Variants in POLD3 observed in about 807,000 individuals in gnomAD.
POLD3 encodes the protein DNA polymerase delta 3, accessory subunit.
In POLD3, 19 loss-of-function variants were observed where a neutral mutation model predicts 58.2. The ratio of observed to expected loss-of-function variants is 0.33; its 90% CI spans 0.23 to 0.48. The LOEUF (loss-of-function observed/expected upper bound fraction) is 0.48, where lower values mean the gene tolerates loss of function less well. Ranked by LOEUF, POLD3 falls within the 20% of genes least tolerant of loss-of-function variation. POLD3 has a pLI of 0.99. For synonymous variants in POLD3, 172 were observed against 193.5 expected (o/e 0.89, Z 0.92); for missense variants, 504 against 545.5 (o/e 0.92, Z 0.76).
chr11:74,593,773 GT>G (rs1179310637), intron 1 of POLD3, among the ~76,000 whole-genome samples: 1 of 152,194 alleles, frequency 6.6e-6, no homozygotes, highest in Non-Finnish European at 1.5e-5. Flanking sequence ...AAGGGCCTGA[GT>G]AAAACAAGGA....
chr11:74,593,161 G>A (rs2031097734), intron 1 of POLD3: 1 of 481,888 alleles, frequency 2.1e-6, no homozygotes, highest in African/African-American at 2.1e-5. Context: ...ATTGATAGAG[G>A]TTTGATCCGC....
rs1233107416 is a variant in POLD3, at chr11:74,620,027, C to T, written c.671C>T (p.Ala224Val). 6.2e-7 allele frequency: 1 copy of T among 1,613,456 alleles called. No individual in the cohort carries two copies. Among genetic ancestry groups the T allele is most frequent in the South Asian group, 1.1e-5 (1 of 91,072 alleles). Reference protein sequence around the residue: ...EAKEVTNASAAGNKAPGKGNM... With the variant: ...EAKEVTNASAVGNKAPGKGNM... Reference sequence around the variant, plus strand: ...TTTCTGTGCTTGTAGGCATCTGCAGCAGGCAACAAGGCACCAGGGAAAGGG... The same window carrying T: ...TTTCTGTGCTTGTAGGCATCTGCAGTAGGCAACAAGGCACCAGGGAAAGGG... The change falls in exon 7 of 12, where the codon GCA (alanine) becomes GTA (valine). Residue 224 changes from alanine (A) to valine (V), a missense_variant. Transcript: ENST00000263681.
intron 4 of POLD3, among the ~76,000 whole-genome samples, chr11:74,657,479 A>G (rs908905589): frequency 6.7e-6 from 1 of 150,280 alleles, no homozygotes; most frequent in South Asian, 2.1e-4. Flanking sequence ...CTATCTTATG[A>G]CTCATTATTT....
At chr11:74,612,633 A>G (rs955699913) in intron 4 of POLD3, among the ~76,000 whole-genome samples, 1 of 152,200 alleles carries the variant, frequency 6.6e-6, no homozygotes, top group Non-Finnish European at 1.5e-5. Flanking sequence ...CTAAGTGTCC[A>G]CTGGATGAGT....
downstream of POLD3, among the ~76,000 whole-genome samples, chr11:74,647,263 A>G (rs971134090): frequency 9.2e-5 from 14 of 152,236 alleles, no homozygotes; most frequent in African/African-American, 1.7e-4. Context: ...TTAAAGTTCT[A>G]TCCTGGAATG....
At chr11:74,627,028 T>G (rs956381549) in intron 8 of POLD3, among the ~76,000 whole-genome samples, 3 of 152,132 alleles carry the variant, frequency 2.0e-5, no homozygotes, top group African/African-American at 7.2e-5. Context: ...GCACTATACT[T>G]TTTATCATTT....
intron 2 of POLD3, among the ~76,000 whole-genome samples, chr11:74,600,073 G>A (rs1048454882): frequency 1.3e-5 from 2 of 151,276 alleles, no homozygotes; most frequent in African/African-American, 2.4e-5. Context: ...AGCCTCCCGA[G>A]TAGCTGGGAC....
intron 2 of POLD3, among the ~76,000 whole-genome samples, chr11:74,596,596 C>T (rs2031267462): frequency 6.6e-6 from 1 of 152,214 alleles, no homozygotes; most frequent in African/African-American, 2.4e-5. Context: ...AAATGTATTA[C>T]ATCACACAGT....
At chr11:74,624,361 A>G (rs933842695) in intron 7 of POLD3, among the ~76,000 whole-genome samples, 3 of 152,210 alleles carry the variant, frequency 2.0e-5, no homozygotes, top group African/African-American at 4.8e-5. Flanking sequence ...AGTCTTCAGG[A>G]AAAAGAAAAG....
intron 3 of POLD3, among the ~76,000 whole-genome samples, chr11:74,610,418 C>T (rs573172070): frequency 6.6e-6 from 1 of 152,182 alleles, no homozygotes; most frequent in East Asian, 1.9e-4. Context: ...ACCATGTTGA[C>T]GAGGGAGGTC....
Position 74,643,000 on chromosome 11 carries a change from C to T in POLD3, c.*2234C>T, listed in dbSNP as rs2032953831. ...GCTTCATCACTTGCTAGCTGTATGA[C>T]TGTGGGCAAGTTTCACAGCCTCAAG... On this transcript the variant is annotated 3_prime_UTR_variant, in exon 12 of 12. Coordinates refer to ENST00000263681, the MANE Select transcript of POLD3 (RefSeq NM_006591.3). The T allele has an allele frequency of 2.2e-6, 2 of 908,502 alleles. No homozygotes were observed. Among genetic ancestry groups the T allele is most frequent in the Non-Finnish European group, 2.6e-6 (2 of 759,870 alleles). The allele number at this position is 908,502 out of a possible 1,614,324, so 56.3% of individuals were successfully genotyped here. A position where few individuals can be genotyped will look rare whatever the true frequency, so the allele number is the denominator to read the frequency against.
intron 4 of POLD3, among the ~76,000 whole-genome samples, chr11:74,655,439 CAACCAATACTATGAAATATTCAGAG>C (rs2033121575): frequency 6.6e-6 from 1 of 152,180 alleles, no homozygotes. Context: ...ATCCAGTTTT[CAACCAATACTATGAAATATTCAGAG>C]AAACAGGAAC....
Position 74,641,606 on chromosome 11 carries a change from A to G in POLD3, c.*840A>G, listed in dbSNP as rs959916812. On this transcript the variant is annotated 3_prime_UTR_variant, in exon 12 of 12. Transcript: ENST00000263681. ...TTGATCCCCTCCTCCCCCACTCTCA[A>G]TACCTAGAGAGTGAAACCCGTACAA... The G allele has an allele frequency of 1.0e-6, 1 of 985,366 alleles. No individual in the cohort carries two copies. Among genetic ancestry groups the G allele is most frequent in the African/African-American group, 1.7e-5 (1 of 57,318 alleles). 61.0% of individuals were successfully genotyped at this position (985,366 alleles called of 1,614,324 possible).
At chr11:74,608,281 T>A (rs2031765734) in intron 3 of POLD3, among the ~76,000 whole-genome samples, 1 of 152,128 alleles carries the variant, frequency 6.6e-6, no homozygotes, top group Non-Finnish European at 1.5e-5. Context: ...ATGCCCAGCT[T>A]ATTTTTTATT....
At chr11:74,638,980 T>C (rs1198325932) in intron 11 of POLD3, among the ~76,000 whole-genome samples, 1 of 152,210 alleles carries the variant, frequency 6.6e-6, no homozygotes, top group African/African-American at 2.4e-5. Flanking sequence ...AGACAAACTC[T>C]GGGAACTCTC....
downstream of POLD3, among the ~76,000 whole-genome samples, chr11:74,643,529 G>A (rs543647974): frequency 6.6e-6 from 1 of 152,294 alleles, no homozygotes; most frequent in African/African-American, 2.4e-5. Flanking sequence ...AGGAGGATGG[G>A]TATCAAGGCA....
chr11:74,634,713 T>G lies in POLD3; in HGVS notation c.1119+18T>G, dbSNP rs757201413. 4 of 1,359,066 alleles carry G rather than the reference T, an allele frequency of 2.9e-6. No homozygotes were observed. In the South Asian group the frequency reaches 4.7e-5, roughly 16 times the overall value. The allele number at this position is 1,359,066 out of a possible 1,614,324, so 84.2% of individuals were successfully genotyped here. A position where few individuals can be genotyped will look rare whatever the true frequency, so the allele number is the denominator to read the frequency against. The stretch of plus-strand genomic sequence containing the variant: ...CTGTCAAGGTAAAATTATACTGGGA[T>G]TCTTGCATGTCCATGCATCCTTTGT... On this transcript the variant is annotated intron_variant, in intron 10 of 11. Transcript: ENST00000263681.
chr11:74,641,867 TTAG>T lies in POLD3; in HGVS notation c.*1105_*1107del. 1 of 985,262 alleles carries T rather than the reference TTAG, an allele frequency of 1.0e-6. No individual in the cohort carries two copies. Among genetic ancestry groups the T allele is most frequent in the Non-Finnish European group, 1.2e-6 (1 of 829,810 alleles). The allele number at this position is 985,262 out of a possible 1,614,324, so 61.0% of individuals were successfully genotyped here. ...GGATGGAGAGGGAGAGACTGAATTG[TTAG>T]TAGGTCTAAACATCAAAGAAAACAT... On this transcript the variant is annotated 3_prime_UTR_variant, in exon 12 of 12. Transcript: ENST00000263681.
chr11:74,662,957 C>T (rs1165060002), intron 4 of POLD3, among the ~76,000 whole-genome samples: 2 of 152,186 alleles, frequency 1.3e-5, no homozygotes, highest in African/African-American at 4.8e-5. Context: ...AGTTCAAAGT[C>T]CCACAGTTGC....
Sources: gnomAD v4.1 joint callset for allele counts (sites outside exome capture counted in the v4.1 genomes callset) on GRCh38, gnomAD v4.1.1 for gene constraint, MANE v1.5 for transcripts, NCBI Gene and HGNC (gene_info 2026-07-23, HGNC 2026-07-21) for gene names.